FAM120A: variants seen among roughly 807,000 people sequenced by gnomAD.
The protein encoded by FAM120A is family with sequence similarity 120 member A, also known as constitutive coactivator of PPAR-gamma-like protein 1.
A neutral mutation model predicts 109.7 loss-of-function variants in FAM120A; 15 were observed. The observed-to-expected ratio is 0.14, with a 90% confidence interval of 0.09 to 0.21. The LOEUF is 0.21. Ranked by LOEUF, FAM120A falls within the 10% of genes least tolerant of loss-of-function variation. The pLI is 1.00. For synonymous variants in FAM120A, 493 were observed against 572.8 expected (o/e 0.86, Z 1.99); for missense variants, 899 against 1,439.3 (o/e 0.62, Z 6.07).
Position 93,452,839 on chromosome 9 carries a change from G to A in FAM120A, c.474+450G>A. 6.6e-7 allele frequency: 1 copy of A among 1,524,700 alleles called. No homozygotes were observed. The highest frequency in any genetic ancestry group is 8.7e-7 in the Non-Finnish European group (1 of 1,144,978). 94.4% of individuals were successfully genotyped at this position (1,524,700 alleles called of 1,614,324 possible). On this transcript the variant is annotated intron_variant, in intron 1 of 17. Transcript: ENST00000277165. This position sits in a 1 kb window ranked among gnomAD's most constrained non-coding sequence, Gnocchi z 7.0. ...GGCAGGATACAGAGTAATAGAGGGG[G>A]TTTCGCCAGAGCCCTTGGGGGCTGC...
rs4744243 is a variant in FAM120A at position 93,477,942 on chromosome 9, C to T, written c.804+1604C>T. On this transcript the variant is annotated intron_variant, in intron 3 of 17. Transcript: ENST00000277165. ...TAGAGAAATGTGTATCCGTATATCC[C>T]CCATCTTGGTTCAACAATTATAAAC... Among the ~76,000 whole-genome samples the T allele has an allele frequency of 2.0e-5, 3 of 152,048 alleles. No homozygotes were observed. In the East Asian group the frequency reaches 5.8e-4, roughly 29 times the overall value.
intron 3 of FAM120A, among the ~76,000 whole-genome samples, chr9:93,477,563 T>C (rs914161333): frequency 1.3e-5 from 2 of 152,212 alleles, no homozygotes; most frequent in African/African-American, 4.8e-5. Context: ...GATTGAAATG[T>C]GGATTGGGGA....
chr9:93,544,730 G>A (rs911464792), intron 11 of FAM120A, among the ~76,000 whole-genome samples: 1 of 152,200 alleles, frequency 6.6e-6, no homozygotes, highest in African/African-American at 2.4e-5. Context: ...TGTCCCAACA[G>A]TGTCCTTTAT....
At chr9:93,509,880 A>G (rs138874670) in intron 5 of FAM120A, among the ~76,000 whole-genome samples, 1 of 152,370 alleles carries the variant, frequency 6.6e-6, no homozygotes, top group Admixed American at 6.5e-5. Context: ...ACATGTTTTT[A>G]TATTTTCTCA....
chr9:93,499,490 G>A (rs557759278), intron 5 of FAM120A, among the ~76,000 whole-genome samples: 3 of 152,128 alleles, frequency 2.0e-5, no homozygotes, highest in Admixed American at 2.0e-4. Context: ...GTTTCACCAT[G>A]TTGGCCAGAC....
rs145729666 is a variant in FAM120A, at chr9:93,470,512, A to G, written c.475-629A>G. On this transcript the variant is annotated intron_variant, in intron 1 of 17. Coordinates refer to ENST00000277165, the MANE Select transcript of FAM120A (RefSeq NM_014612.5). The stretch of plus-strand genomic sequence containing the variant: ...TTTCATCATTGAAAAGGCAATTGAT[A>G]TAGACCTAGTCTTGACATAGTGTGT... 2.9e-3 allele frequency among the ~76,000 whole-genome samples: 435 copies of G among 152,284 alleles called. 5 individuals are homozygous for G. In the Middle Eastern group the frequency reaches 0.044, roughly 15 times the overall value.
At chr9:93,518,060 C>T (rs541073823) in intron 7 of FAM120A, among the ~76,000 whole-genome samples, 6 of 152,206 alleles carry the variant, frequency 3.9e-5, no homozygotes, top group South Asian at 2.1e-4. Flanking sequence ...TTGACCTGCT[C>T]GGGGTCTTGT....
intron 3 of FAM120A, among the ~76,000 whole-genome samples, chr9:93,494,829 G>A (rs534605804): frequency 6.4e-4 from 98 of 152,162 alleles, no homozygotes; most frequent in Admixed American, 2.9e-3. Context: ...GAGTGATCGA[G>A]GACTGGCCTC....
chr9:93,459,878 A>T (rs1244507039), intron 1 of FAM120A, among the ~76,000 whole-genome samples: 2 of 152,248 alleles, frequency 1.3e-5, no homozygotes, highest in Admixed American at 6.5e-5. Context: ...GTGCCAAGGT[A>T]AGGAAATCTT....
chr9:93,505,669 C>T (rs1430922127), intron 5 of FAM120A, among the ~76,000 whole-genome samples: 2 of 152,142 alleles, frequency 1.3e-5, no homozygotes, highest in Non-Finnish European at 2.9e-5. Flanking sequence ...AGATGACACG[C>T]AATAGGCTGT....
chr9:93,556,443 T>C lies in FAM120A; in HGVS notation c.2336T>C (p.Met779Thr), dbSNP rs896225949. 1.2e-6 allele frequency: 2 copies of C among 1,614,080 alleles called. No homozygotes were observed. The highest frequency in any genetic ancestry group is 1.1e-5 in the South Asian group (1 of 91,086). ...LSALFMSGVD[M>T]ALFANDACGQ... ...GCTCTCTTCATGAGTGGAGTAGACA[T>C]GGCCTTGTTTGCAAATGATGCATGC... The change falls in exon 13 of 18, where the codon ATG becomes ACG. Residue 779 changes from methionine (M) to threonine (T), a missense_variant. Around this residue, in one of 11 missense-constraint regions of FAM120A, gnomAD observed 31 missense variants for 73.0 expected, o/e 0.42. Coordinates refer to ENST00000277165, the MANE Select transcript of FAM120A (RefSeq NM_014612.5).
rs1013963772 is a variant in FAM120A at position 93,500,472 on chromosome 9, A to G, written c.1030+1586A>G. On this transcript the variant is annotated intron_variant, in intron 5 of 17. Transcript: ENST00000277165. This position sits in a 1 kb window ranked among gnomAD's most constrained non-coding sequence, Gnocchi z 4.6. ...TTCTCCAAGGTCTGCCTGGCTTTAA[A>G]TCTCTGCACACTCCTTGGCTTCTAT... 6.6e-6 allele frequency among the ~76,000 whole-genome samples: 1 copy of G among 151,808 alleles called. No homozygotes were observed. Among genetic ancestry groups the G allele is most frequent in the Admixed American group, 6.6e-5 (1 of 15,258 alleles).
intron 11 of FAM120A, among the ~76,000 whole-genome samples, chr9:93,548,916 G>A (rs1861994432): frequency 6.6e-6 from 1 of 152,088 alleles, no homozygotes; most frequent in African/African-American, 2.4e-5. Context: ...GGTGGCGTGT[G>A]CCTGTAATCC....
intron 10 of FAM120A, among the ~76,000 whole-genome samples, chr9:93,537,336 A>G (rs1263487702): frequency 6.6e-6 from 1 of 152,218 alleles, no homozygotes; most frequent in Non-Finnish European, 1.5e-5. Flanking sequence ...ACATTTTAAA[A>G]GATTGTAGAG....
intron 1 of FAM120A, among the ~76,000 whole-genome samples, chr9:93,462,144 C>G (rs1376580498): frequency 6.6e-6 from 1 of 152,130 alleles, no homozygotes; most frequent in Non-Finnish European, 1.5e-5. Flanking sequence ...ATTTTGGAGC[C>G]AAAGCACCTA....
chr9:93,473,843 T>TG (rs1344015354), intron 2 of FAM120A, among the ~76,000 whole-genome samples: 2 of 152,184 alleles, frequency 1.3e-5, no homozygotes, highest in Non-Finnish European at 2.9e-5. Context: ...AAAGTGAGTA[T>TG]GGGGGTGGCA....
chr9:93,517,826 ATTTGGCAAGTTGTC>A (rs777623256), intron 7 of FAM120A, among the ~76,000 whole-genome samples: 3 of 152,042 alleles, frequency 2.0e-5, no homozygotes, highest in Non-Finnish European at 2.9e-5. Flanking sequence ...TGCCCATCTA[ATTTGGCAAGTTGTC>A]TTTGTTAGGA....
rs1391861549 is a variant in FAM120A at position 93,500,960 on chromosome 9, G to A, written c.1030+2074G>A. Among the ~76,000 whole-genome samples, 1 of 152,212 alleles carries A rather than the reference G, an allele frequency of 6.6e-6. No homozygotes were observed. The highest frequency in any genetic ancestry group is 1.5e-5 in the Non-Finnish European group (1 of 68,042). ...GGTGCTTTAGTGAAGTACTTGTTCA[G>A]TCATTCAATGCCCTTTTAGGTAATT... On this transcript the variant is annotated intron_variant, in intron 5 of 17. Coordinates refer to ENST00000277165, the MANE Select transcript of FAM120A (RefSeq NM_014612.5). The surrounding 1 kb of genome is among the most constrained non-coding windows in gnomAD (Gnocchi z 4.6).
chr9:93,535,252 CA>C (rs1398317751), intron 10 of FAM120A, among the ~76,000 whole-genome samples: 1 of 152,168 alleles, frequency 6.6e-6, no homozygotes, highest in Middle Eastern at 3.2e-3. Context: ...AAACAAATTG[CA>C]GTCTTTTCTG....
Sources: gnomAD v4.1 joint callset for allele counts (sites outside exome capture counted in the v4.1 genomes callset) on GRCh38, gnomAD v4.1.1 for gene constraint, gnomAD v4.1.1 regional missense constraint, Gnocchi (gnomAD v3.1) non-coding constraint, MANE v1.5 for transcripts, NCBI Gene and HGNC (gene_info 2026-07-23, HGNC 2026-07-21) for gene names.